The following ADAM11 variants were observed in gnomAD, a reference collection of about 807,000 sequenced individuals.
ADAM11 encodes ADAM metallopeptidase domain 11.
Under a neutral mutation model 119.1 loss-of-function variants are expected in ADAM11, and 49 were observed. The observed-to-expected ratio is 0.41, with a 90% CI of 0.33 to 0.52. The LOEUF is 0.52. Ranked by LOEUF, ADAM11 falls within the 20% of genes least tolerant of loss-of-function variation. The probability of loss-of-function intolerance (pLI) is 0.20; values close to 1 mark genes in which losing one functional copy is unlikely to be tolerated. For missense variants in ADAM11, 777 were observed against 1,047.5 expected (o/e 0.74, Z 3.56); for synonymous variants, 364 against 408.0 (o/e 0.89, Z 1.30).
intron 26 of ADAM11, 90 bp downstream of exon 26, chr17:44,779,329 C>T (rs568687546): frequency 6.0e-6 from 9 of 1,495,946 alleles, no homozygotes; most frequent in South Asian, 2.7e-5. Flanking sequence ...CGTCACCCCG[C>T]GTTCTGTTGA....
intron 2 of ADAM11, among the ~76,000 whole-genome samples, chr17:44,765,076 G>C (rs1040836359): frequency 6.6e-6 from 1 of 152,116 alleles, no homozygotes; most frequent in Non-Finnish European, 1.5e-5. Context: ...TGTAAAAGGA[G>C]GTGGCTCTGT....
rs758251055 is a variant in ADAM11, at chr17:44,774,330, C to G, written c.1028C>G (p.Ala343Gly). The G allele has an allele frequency of 3.4e-6, 5 of 1,477,610 alleles. No homozygotes were observed. The highest frequency in any genetic ancestry group is 4.5e-6 in the Non-Finnish European group (5 of 1,109,748). 91.5% of individuals were successfully genotyped at this position (1,477,610 alleles called of 1,614,324 possible). ...TTCCAGAGCACGAGCAGCGGGGCAG[C>G]CTACGTGGGGGGCATATGCTCCCTG... is the stretch of plus-strand genomic sequence containing the variant. ...RTFQSTSSGA[A>G]YVGGICSLSH... Residue 343 changes from alanine (A) to glycine (G), a missense_variant, in exon 12 of 27, where the codon GCC becomes GGC. Physicochemically the swap from Ala to Gly is moderately conservative, Grantham distance 60. Coordinates refer to ENST00000200557, the MANE Select transcript of ADAM11 (RefSeq NM_002390.6).
At position 44,772,502 on chromosome 17, in the gene ADAM11, C is replaced by T. The variant is rs746304027; in HGVS notation, c.678+36C>T. The T allele has an allele frequency of 1.3e-6, 2 of 1,550,238 alleles. No homozygotes were observed. Among genetic ancestry groups the T allele is most frequent in the Non-Finnish European group, 1.7e-6 (2 of 1,147,168 alleles). ...CCGCACAGACCTCGGGCTGCAGAGA[C>T]CTCGGGCTGCAGAGAGACCTCAGGC... On this transcript the variant is annotated intron_variant, in intron 8 of 26. Coordinates refer to ENST00000200557, the MANE Select transcript of ADAM11 (RefSeq NM_002390.6). This position sits in a 1 kb window ranked among gnomAD's most constrained non-coding sequence, Gnocchi z 4.5.
chr17:44,769,898 GA>G (rs767815309), intron 3 of ADAM11, 83 bp from the exon 4 acceptor site: 3 of 1,605,974 alleles, frequency 1.9e-6, no homozygotes, highest in Non-Finnish European at 2.6e-6. Context: ...GGGCAGAGGG[GA>G]CCTGGGTCCT....
chr17:44,778,356 G>C (rs1286226539), intron 25 of ADAM11, 114 bp downstream of exon 25: 1 of 1,079,180 alleles, frequency 9.3e-7, no homozygotes, highest in African/African-American at 1.6e-5. Flanking sequence ...GAGCTCACAC[G>C]TCATAGGTCC....
Position 44,780,138 on chromosome 17 carries a change from C to A in ADAM11, c.*384C>A. 1 of 601,628 alleles carries A rather than the reference C, an allele frequency of 1.7e-6. No individual in the cohort carries two copies. The highest frequency in any genetic ancestry group is 3.1e-6 in the Non-Finnish European group (1 of 319,866). 37.3% of individuals were successfully genotyped at this position (601,628 alleles called of 1,614,324 possible). A position where few individuals can be genotyped will look rare whatever the true frequency, so the allele number is the denominator to read the frequency against. On this transcript the variant is annotated 3_prime_UTR_variant, in exon 27 of 27. Transcript: ENST00000200557. The stretch of plus-strand genomic sequence containing the variant: ...CCTCCTTGCAACCAGGCAGCTGAGA[C>A]CAGGGTCTTACCTCTCTGGGACCTA...
At chr17:44,768,439 C>A (rs2049478164) in intron 2 of ADAM11, among the ~76,000 whole-genome samples, 1 of 152,192 alleles carries the variant, frequency 6.6e-6, no homozygotes, top group Non-Finnish European at 1.5e-5. Flanking sequence ...GGCCCTCTTC[C>A]ATTTTACTCC....
In ADAM11 at chr17:44,771,492, A is replaced by G. The variant is rs898920763; in HGVS notation, c.382-92A>G. ...CCAGGGATTGTGGCCACCTGCACAC[A>G]GGGCAGCTTCAGTGTCCCCCAAAAA... On this transcript the variant is annotated intron_variant, in intron 4 of 26. Coordinates refer to ENST00000200557, the MANE Select transcript of ADAM11 (RefSeq NM_002390.6). The G allele has an allele frequency of 3.9e-6, 5 of 1,291,210 alleles. No homozygotes were observed. The African/African-American group carries it at 7.5e-5, about 19-fold the overall frequency. The allele number at this position is 1,291,210 out of a possible 1,614,324, so 80.0% of individuals were successfully genotyped here.
At chr17:44,771,513 A>C (rs887344737) in intron 4 of ADAM11, 71 bp from the exon 5 acceptor site, 66 of 1,493,340 alleles carry the variant, frequency 4.4e-5, no homozygotes, top group Non-Finnish European at 5.8e-5. Context: ...AGTGTCCCCC[A>C]AAAAGCCTTG....
intron 2 of ADAM11, among the ~76,000 whole-genome samples, chr17:44,760,700 C>A (rs2049379028): frequency 6.6e-6 from 1 of 151,990 alleles, no homozygotes; most frequent in Non-Finnish European, 1.5e-5. Flanking sequence ...GGGGGGAGAC[C>A]CAGAAGAGGG....
chr17:44,774,340 G>T lies in ADAM11; in HGVS notation c.1038G>T (p.Gly346=). 1 of 1,482,884 alleles carries T rather than the reference G, an allele frequency of 6.7e-7. No homozygotes were observed. Among genetic ancestry groups the T allele is most frequent in the Non-Finnish European group, 9.0e-7 (1 of 1,111,780 alleles). 91.9% of individuals were successfully genotyped at this position (1,482,884 alleles called of 1,614,324 possible). ...CGAGCAGCGGGGCAGCCTACGTGGG[G>T]GGCATATGCTCCCTGTCCCACGGCG... is the stretch of plus-strand genomic sequence containing the variant. The part of the protein sequence containing the change: ...QSTSSGAAYV[G]GICSLSHGGG... Residue 346 remains glycine, a synonymous_variant, in exon 12 of 27, where the codon GGG becomes GGT. Transcript: ENST00000200557.
At position 44,775,349 on chromosome 17, in the gene ADAM11, T is replaced by C. The variant is rs1471123028; in HGVS notation, c.1320+38T>C. 8.1e-6 allele frequency: 13 copies of C among 1,613,018 alleles called. No homozygotes were observed. The highest frequency in any genetic ancestry group is 4.0e-5 in the African/African-American group (3 of 74,892). ...CGGCGGGGAGCATGGGAGCGGGCCC[T>C]GGGCGGGGTCCGGGCCAGACTCCCG... On this transcript the variant is annotated intron_variant, in intron 15 of 26. Coordinates refer to ENST00000200557, the MANE Select transcript of ADAM11 (RefSeq NM_002390.6). The surrounding 1 kb of genome is among the most constrained non-coding windows in gnomAD (Gnocchi z 7.5).
At chr17:44,767,248 C>T (rs1047912480) in intron 2 of ADAM11, among the ~76,000 whole-genome samples, 4 of 143,288 alleles carry the variant, frequency 2.8e-5, no homozygotes, top group South Asian at 2.2e-4. Flanking sequence ...CCCAGCTCCT[C>T]GGGAGGCTGA....
intron 13 of ADAM11, 51 bp from the exon 14 acceptor site, chr17:44,774,647 T>G (rs2049574417): frequency 6.3e-7 from 1 of 1,596,412 alleles, no homozygotes; most frequent in East Asian, 2.2e-5. Flanking sequence ...AGGGTGACAG[T>G]GGGAGGGGTG....
Position 44,775,475 on chromosome 17 carries a change from G to A in ADAM11, c.1392+10G>A, listed in dbSNP as rs1481620294. Reference sequence around the variant, plus strand: ...CTGCGGCTCGGTGCAGGTGAGCGGTGGTGCGGGCGCCAGGTGGGGAACCGG... The same window carrying A: ...CTGCGGCTCGGTGCAGGTGAGCGGTAGTGCGGGCGCCAGGTGGGGAACCGG... On this transcript the variant is annotated intron_variant, in intron 16 of 26. Transcript: ENST00000200557. This position sits in a 1 kb window ranked among gnomAD's most constrained non-coding sequence, Gnocchi z 7.5. The A allele has an allele frequency of 1.2e-6, 2 of 1,603,686 alleles. No homozygotes were observed. Among genetic ancestry groups the A allele is most frequent in the Non-Finnish European group, 1.7e-6 (2 of 1,177,812 alleles).
chr17:44,771,297 C>CA (rs5820551), intron 4 of ADAM11, among the ~76,000 whole-genome samples: 18,701 of 120,298 alleles, frequency 0.16, 1,347 homozygotes, highest in Middle Eastern at 0.28. Context: ...GACCCTGTCT[C>CA]AAAAAAAAAA....
rs1386340480 is a variant in ADAM11, at chr17:44,771,823, G to C, written c.535G>C (p.Ala179Pro). ...CCAAGAGGTGGCTGGACCTTGGGGA[G>C]CCCCTCAGGTAAGCCCCACACAACC... is the stretch of plus-strand genomic sequence containing the variant. ...EPQEVAGPWGAPQGPLPHLIY... is the reference protein window; with the variant it reads ...EPQEVAGPWGPPQGPLPHLIY... The change falls in exon 6 of 27, where the codon GCC becomes CCC. Residue 179 changes from alanine (A) to proline (P), a missense_variant. Coordinates refer to ENST00000200557, the MANE Select transcript of ADAM11 (RefSeq NM_002390.6). 1.9e-6 allele frequency: 3 copies of C among 1,610,736 alleles called. No homozygotes were observed. The African/African-American group carries it at 4.0e-5, about 22-fold the overall frequency.
In ADAM11 at chr17:44,777,382, G is replaced by A; in HGVS notation, c.1782-100G>A. The A allele has an allele frequency of 5.2e-6, 8 of 1,525,514 alleles. No homozygotes were observed. In the South Asian group the frequency reaches 9.4e-5, roughly 18 times the overall value. 94.5% of individuals were successfully genotyped at this position (1,525,514 alleles called of 1,614,324 possible). A position where few individuals can be genotyped will look rare whatever the true frequency, so the allele number is the denominator to read the frequency against. ...TGTCAGTCCCAATGGGCGGGCACGT[G>A]GCAAATGAGGTGGCAGGGTGCAGGG... On this transcript the variant is annotated intron_variant, in intron 21 of 26. Coordinates refer to ENST00000200557, the MANE Select transcript of ADAM11 (RefSeq NM_002390.6). The surrounding 1 kb of genome is among the most constrained non-coding windows in gnomAD (Gnocchi z 5.1).
At position 44,777,328 on chromosome 17, in the gene ADAM11, T is replaced by C. The variant is rs2049617774; in HGVS notation, c.1781+63T>C. ...GGGCAGGTGTGAGACTTTTCAGAGA[T>C]GGGGCAGCAGGTTCTCCCAGGAGGA... On this transcript the variant is annotated intron_variant, in intron 21 of 26. Transcript: ENST00000200557. This position sits in a 1 kb window ranked among gnomAD's most constrained non-coding sequence, Gnocchi z 5.1. The C allele has an allele frequency of 1.2e-5, 19 of 1,551,030 alleles. No homozygotes were observed. The highest frequency in any genetic ancestry group is 1.7e-5 in the Non-Finnish European group (19 of 1,140,478).
Sources: gnomAD v4.1 joint callset for allele counts (sites outside exome capture counted in the v4.1 genomes callset) on GRCh38, gnomAD v4.1.1 for gene constraint, Gnocchi (gnomAD v3.1) non-coding constraint, MANE v1.5 for transcripts, NCBI Gene and HGNC (gene_info 2026-07-23, HGNC 2026-07-21) for gene names.